Variants in MTUS2 observed in about 807,000 individuals in gnomAD.
The protein encoded by MTUS2 is microtubule associated scaffold protein 2.
In MTUS2, 40 loss-of-function variants were observed where a neutral mutation model predicts 114.1. The observed-to-expected ratio is 0.35, with a 90% CI of 0.27 to 0.46. The LOEUF (loss-of-function observed/expected upper bound fraction) is 0.46. Ranked by LOEUF, MTUS2 falls within the 20% of genes least tolerant of loss-of-function variation. MTUS2 has a pLI of 1.00. For missense variants in MTUS2, 1,679 were observed against 1,705.4 expected (o/e 0.98, Z 0.27); for synonymous variants, 688 against 672.0 (o/e 1.02, Z -0.37).
chr13:28,943,364 C>T (rs923226887), intron 2 of MTUS2, among the ~76,000 whole-genome samples: 1 of 152,070 alleles, frequency 6.6e-6, no homozygotes, highest in African/African-American at 2.4e-5. Flanking sequence ...AAAGTGAACC[C>T]CATCAGGATT....
Position 28,925,677 on chromosome 13 carries a change from C to T in MTUS2, c.-243+85827C>T, listed in dbSNP as rs372595426. ...GCTGTACCATTTACAAACTTTGGGC[C>T]GTGGGCAAGTTAACTCACCTCTGGT... is the stretch of plus-strand genomic sequence containing the variant. On this transcript the variant is annotated intron_variant, in intron 2 of 15. Coordinates refer to ENST00000612955, the MANE Select transcript of MTUS2 (RefSeq NM_001033602.4). Among the ~76,000 whole-genome samples the T allele has an allele frequency of 9.9e-5, 15 of 152,192 alleles. No homozygotes were observed. In the South Asian group the frequency reaches 1.0e-3, roughly 11 times the overall value.
At chr13:29,185,467 A>T (rs1451671236) in intron 5 of MTUS2, among the ~76,000 whole-genome samples, 1 of 152,194 alleles carries the variant, frequency 6.6e-6, no homozygotes, top group African/African-American at 2.4e-5. Context: ...CTCAAATAGA[A>T]CCATCTTAGA....
At chr13:29,355,685 A>G (rs1313875733) in intron 7 of MTUS2, among the ~76,000 whole-genome samples, 2 of 152,244 alleles carry the variant, frequency 1.3e-5, no homozygotes, top group Non-Finnish European at 1.5e-5. Flanking sequence ...TTTTGTCGCC[A>G]AAAACCACAT....
At chr13:29,002,073 G>A (rs759899745) in intron 2 of MTUS2, among the ~76,000 whole-genome samples, 1 of 152,154 alleles carries the variant, frequency 6.6e-6, no homozygotes, top group African/African-American at 2.4e-5. Context: ...TTGAACTTCT[G>A]ACCTCCAGAA....
At chr13:28,879,710 T>G (rs1878172649) in intron 2 of MTUS2, among the ~76,000 whole-genome samples, 3 of 152,218 alleles carry the variant, frequency 2.0e-5, no homozygotes, top group African/African-American at 7.2e-5. Flanking sequence ...ATAAAGCCCC[T>G]TGATGATCTA....
rs73166468 is a variant in MTUS2 at position 29,184,934 on chromosome 13, G to A, written c.2644+83964G>A. ...AGACAGTCAAGAGAACTTCCTTGAG[G>A]AAGTCCATACTAGTTGGACATACAA... On this transcript the variant is annotated intron_variant, in intron 5 of 15. Coordinates refer to ENST00000612955, the MANE Select transcript of MTUS2 (RefSeq NM_001033602.4). 9.4e-3 allele frequency among the ~76,000 whole-genome samples: 1,426 copies of A among 152,222 alleles called. 10 individuals carry two copies. Among genetic ancestry groups the A allele is most frequent in the Non-Finnish European group, 0.014 (942 of 68,014 alleles).
intron 6 of MTUS2, among the ~76,000 whole-genome samples, chr13:29,284,199 A>G (rs1898384198): frequency 6.6e-6 from 1 of 152,192 alleles, no homozygotes; most frequent in African/African-American, 2.4e-5. Flanking sequence ...TGGTATATCC[A>G]CAGGATGCGG....
At chr13:28,968,796 G>T (rs1883718225) in intron 2 of MTUS2, among the ~76,000 whole-genome samples, 1 of 151,934 alleles carries the variant, frequency 6.6e-6, no homozygotes, top group Admixed American at 6.6e-5. Context: ...TTCATAATTT[G>T]TTTCTAAAAC....
At chr13:29,185,763 A>T (rs1317042221) in intron 5 of MTUS2, among the ~76,000 whole-genome samples, 1 of 152,260 alleles carries the variant, frequency 6.6e-6, no homozygotes, top group Non-Finnish European at 1.5e-5. Flanking sequence ...GATATTTCGT[A>T]CAAGAAATAT....
chr13:29,375,625 AT>A lies in MTUS2; in HGVS notation c.3117+16153del, dbSNP rs1566163771. The stretch of plus-strand genomic sequence containing the variant: ...TATATATACGTATATATATATATAT[AT>A]ATATATATATATACACACACCATGA... On this transcript the variant is annotated intron_variant, in intron 8 of 15. Transcript: ENST00000612955. Among the ~76,000 whole-genome samples the A allele has an allele frequency of 7.8e-4, 7 of 8,944 alleles. 1 individual carries two copies. The highest frequency in any genetic ancestry group is 8.6e-4 in the Non-Finnish European group (2 of 2,324). 5.9% of individuals were successfully genotyped at this position (8,944 alleles called of 152,430 possible). A position where few individuals can be genotyped will look rare whatever the true frequency, so the allele number is the denominator to read the frequency against.
intron 7 of MTUS2, among the ~76,000 whole-genome samples, chr13:29,336,388 A>C (rs760769695): frequency 6.6e-6 from 1 of 152,140 alleles, no homozygotes; most frequent in Admixed American, 6.5e-5. Flanking sequence ...TCCTTCTAAC[A>C]TTCAGGCCCC....
intron 5 of MTUS2, among the ~76,000 whole-genome samples, chr13:29,257,903 G>A (rs953162586): frequency 2.6e-5 from 4 of 152,222 alleles, no homozygotes; most frequent in Non-Finnish European, 4.4e-5. Context: ...GTGGCCTCAA[G>A]AGTCCATGAG....
chr13:29,143,844 ACTTT>A (rs1486758785), intron 5 of MTUS2, among the ~76,000 whole-genome samples: 1 of 152,200 alleles, frequency 6.6e-6, no homozygotes, highest in East Asian at 1.9e-4. Flanking sequence ...AAGATAAGTG[ACTTT>A]CTTAGAAAAG....
In MTUS2 at chr13:29,348,913, C is replaced by G. The variant is rs139143678; in HGVS notation, c.2906-10349C>G. The stretch of plus-strand genomic sequence containing the variant: ...GCATGGTATAATCTTTCCATACTAA[C>G]CTTTTCATCTATTTGTCTATTGATT... On this transcript the variant is annotated intron_variant, in intron 7 of 15. Coordinates refer to ENST00000612955, the MANE Select transcript of MTUS2 (RefSeq NM_001033602.4). Among the ~76,000 whole-genome samples, 697 of 152,240 alleles carry G rather than the reference C, an allele frequency of 4.6e-3. 5 individuals carry two copies. Among genetic ancestry groups the G allele is most frequent in the Non-Finnish European group, 6.9e-3 (469 of 68,016 alleles).
chr13:29,196,120 G>A (rs1171188796), intron 5 of MTUS2, among the ~76,000 whole-genome samples: 1 of 148,828 alleles, frequency 6.7e-6, no homozygotes, highest in Non-Finnish European at 1.5e-5. Flanking sequence ...TTTTTGAGAT[G>A]GAGTCTCGCT....
At chr13:28,887,402 ATACT>A (rs1293831522) in intron 2 of MTUS2, among the ~76,000 whole-genome samples, 3 of 152,072 alleles carry the variant, frequency 2.0e-5, no homozygotes, top group Admixed American at 6.6e-5. Context: ...GACTCAGGAG[ATACT>A]TAGTGAGAGT....
chr13:29,497,221 T>C lies in MTUS2; in HGVS notation c.3580-17T>C, dbSNP rs765056510. Reference sequence around the variant, plus strand: ...CTGTAGTGGCCCCAGCTGGACTCCTTGTATCATTACTTGCAGGACCAGGTG... The same window carrying C: ...CTGTAGTGGCCCCAGCTGGACTCCTCGTATCATTACTTGCAGGACCAGGTG... On this transcript the variant is annotated splice_polypyrimidine_tract_variant and intron_variant, in intron 12 of 15. Coordinates refer to ENST00000612955, the MANE Select transcript of MTUS2 (RefSeq NM_001033602.4). 1.2e-6 allele frequency: 2 copies of C among 1,609,682 alleles called. No homozygotes were observed. Among genetic ancestry groups the C allele is most frequent in the African/African-American group, 2.7e-5 (2 of 74,802 alleles).
At chr13:29,479,275 G>A (rs887128704) in intron 9 of MTUS2, among the ~76,000 whole-genome samples, 1 of 152,170 alleles carries the variant, frequency 6.6e-6, no homozygotes, top group African/African-American at 2.4e-5. Flanking sequence ...GTGTGGAATC[G>A]GTTCCATTTG....
At chr13:29,382,082 G>A (rs139065564) in intron 8 of MTUS2, among the ~76,000 whole-genome samples, 210 of 152,286 alleles carry the variant, frequency 1.4e-3, no homozygotes, top group African/African-American at 4.7e-3. Flanking sequence ...AAGTCACCAT[G>A]AACATAAATA....
Sources: allele counts gnomAD v4.1 joint callset (sites outside exome capture counted in the v4.1 genomes callset), GRCh38; gene constraint gnomAD v4.1.1; transcripts MANE v1.5; gene names NCBI Gene and HGNC (gene_info 2026-07-23, HGNC 2026-07-21).